The following ATP8A2 variants were observed in gnomAD, a reference collection of about 807,000 sequenced individuals.
The protein encoded by ATP8A2 is ATPase phospholipid transporting 8A2, also known as phospholipid-transporting ATPase IB.
In ATP8A2, 100 loss-of-function variants were observed where a neutral mutation model predicts 165.6. That is an observed-to-expected ratio of 0.60 (90% confidence interval 0.51 to 0.71). The LOEUF is 0.71. Among genes scored for constraint, ATP8A2 ranks in the 30% least tolerant of loss-of-function variants. The probability of loss-of-function intolerance (pLI) is 0.00; values close to 1 mark genes in which losing one functional copy is unlikely to be tolerated. For missense variants in ATP8A2, 1,227 were observed against 1,479.5 expected (o/e 0.83, Z 2.80); for synonymous variants, 543 against 548.8 (o/e 0.99, Z 0.15).
At chr13:25,393,133 C>CT (rs113512127) in intron 1 of ATP8A2, among the ~76,000 whole-genome samples, 2,862 of 138,600 alleles carry the variant, frequency 0.021, 103 homozygotes, top group African/African-American at 0.069. Flanking sequence ...TATTTACATA[C>CT]TTTTTTTTTT....
In ATP8A2 at chr13:25,919,984, C is replaced by T. The variant is rs114125787; in HGVS notation, c.3184-41591C>T. Among the ~76,000 whole-genome samples the T allele has an allele frequency of 5.5e-3, 833 of 152,210 alleles. 6 individuals are homozygous for T. The highest frequency in any genetic ancestry group is 0.018 in the African/African-American group (740 of 41,530). ...CAACTGTTTATACAAACAGGGGTCT[C>T]GCTATGTCGTCCAGGCTGGTCTCGA... On this transcript the variant is annotated intron_variant, in intron 33 of 36. Coordinates refer to ENST00000381655, the MANE Select transcript of ATP8A2 (RefSeq NM_016529.6).
intron 35 of ATP8A2, among the ~76,000 whole-genome samples, chr13:25,976,862 C>T (rs955517919): frequency 3.9e-5 from 6 of 152,272 alleles, no homozygotes; most frequent in African/African-American, 1.2e-4. Flanking sequence ...GACCTCAGCT[C>T]GCTGCAACCT....
At chr13:25,427,096 C>T (rs918617193) in intron 1 of ATP8A2, among the ~76,000 whole-genome samples, 2 of 152,150 alleles carry the variant, frequency 1.3e-5, no homozygotes, top group Non-Finnish European at 2.9e-5. Context: ...GGGGTTCCCC[C>T]AACATAGGAA....
intron 1 of ATP8A2, among the ~76,000 whole-genome samples, chr13:25,437,275 T>C (rs1264375082): frequency 6.6e-6 from 1 of 152,192 alleles, no homozygotes; most frequent in Non-Finnish European, 1.5e-5. Context: ...GAATACTTCA[T>C]CTTAGCACCA....
chr13:25,908,800 A>G (rs1228308213), intron 33 of ATP8A2, among the ~76,000 whole-genome samples: 3 of 152,254 alleles, frequency 2.0e-5, no homozygotes, highest in African/African-American at 4.8e-5. Context: ...TCCTGGTTCC[A>G]TGACTTCCAC....
At chr13:26,001,764 G>C (rs1163130009) in intron 35 of ATP8A2, among the ~76,000 whole-genome samples, 1 of 151,868 alleles carries the variant, frequency 6.6e-6, no homozygotes, top group African/African-American at 2.4e-5. Context: ...ATATATTCTG[G>C]ATACTAGACC....
intron 27 of ATP8A2, among the ~76,000 whole-genome samples, chr13:25,796,720 A>G (rs866972807): frequency 6.6e-6 from 1 of 152,238 alleles, no homozygotes; most frequent in African/African-American, 2.4e-5. Context: ...CAAAGATTTT[A>G]AAGGAGAGAT....
rs114158545 is a variant in ATP8A2, at chr13:25,402,850, T to G, written c.76+30562T>G. On this transcript the variant is annotated intron_variant, in intron 1 of 36. Transcript: ENST00000381655. Reference sequence around the variant, plus strand: ...TAAGTAATTCATAAGTAATAGAAATTTATTTCCCACAGTTCTGGAGGCTAG... The same window carrying G: ...TAAGTAATTCATAAGTAATAGAAATGTATTTCCCACAGTTCTGGAGGCTAG... 8.6e-3 allele frequency among the ~76,000 whole-genome samples: 1,315 copies of G among 152,248 alleles called. 25 individuals carry two copies. Among genetic ancestry groups the G allele is most frequent in the African/African-American group, 0.03 (1,256 of 41,536 alleles).
intron 12 of ATP8A2, among the ~76,000 whole-genome samples, chr13:25,554,511 ATG>A (rs145376745): frequency 3.8e-3 from 535 of 141,290 alleles, no homozygotes; most frequent in South Asian, 0.016. Context: ...AATATAAATC[ATG>A]TGTGTGTGTG....
At chr13:25,382,154 T>G (rs2032862169) in intron 1 of ATP8A2, among the ~76,000 whole-genome samples, 1 of 152,238 alleles carries the variant, frequency 6.6e-6, no homozygotes, top group Non-Finnish European at 1.5e-5. Flanking sequence ...AGTTTTGCTC[T>G]TTACACAATG....
chr13:25,676,650 A>G (rs1206434650), intron 24 of ATP8A2, among the ~76,000 whole-genome samples: 1 of 152,210 alleles, frequency 6.6e-6, no homozygotes, highest in East Asian at 1.9e-4. Context: ...CCAAGTGGAA[A>G]GGAAAAGACA....
At chr13:25,943,356 C>T (rs1955124251) in intron 33 of ATP8A2, among the ~76,000 whole-genome samples, 2 of 152,198 alleles carry the variant, frequency 1.3e-5, no homozygotes, top group African/African-American at 4.8e-5. Context: ...GCAGACCACA[C>T]ATATGACCAG....
At chr13:25,862,456 A>G in intron 33 of ATP8A2, 48 bp downstream of exon 33, 5 of 1,405,938 alleles carry the variant, frequency 3.6e-6, no homozygotes, top group Non-Finnish European at 4.0e-6. Context: ...TGTGACAGCA[A>G]TGTTTCTCCA....
At chr13:25,691,024 T>TA (rs1386214636) in intron 24 of ATP8A2, among the ~76,000 whole-genome samples, 2 of 152,166 alleles carry the variant, frequency 1.3e-5, no homozygotes, top group Non-Finnish European at 2.9e-5. Flanking sequence ...ACAGAAATAA[T>TA]AAAGTATTGA....
intron 33 of ATP8A2, among the ~76,000 whole-genome samples, chr13:25,864,690 T>C (rs1297843068): frequency 2.6e-5 from 4 of 152,234 alleles, no homozygotes; most frequent in Non-Finnish European, 5.9e-5. Flanking sequence ...TTGGTTCCCA[T>C]GAAGCAGATG....
At chr13:25,639,013 A>G (rs1272460428) in intron 24 of ATP8A2, among the ~76,000 whole-genome samples, 1 of 152,194 alleles carries the variant, frequency 6.6e-6, no homozygotes, top group African/African-American at 2.4e-5. Flanking sequence ...ACCAACCTTC[A>G]TAAGTGAAGG....
chr13:25,553,779 G>T lies in ATP8A2; in HGVS notation c.1058-14G>T, dbSNP rs2038894761. Reference sequence around the variant, plus strand: ...TTGTGAACACCTTTCAGATACTCTGGTTTCCTTCCACAGACACCACCTCAG... The same window carrying T: ...TTGTGAACACCTTTCAGATACTCTGTTTTCCTTCCACAGACACCACCTCAG... On this transcript the variant is annotated splice_polypyrimidine_tract_variant and intron_variant, in intron 11 of 36. Coordinates refer to ENST00000381655, the MANE Select transcript of ATP8A2 (RefSeq NM_016529.6). The T allele has an allele frequency of 6.2e-7, 1 of 1,608,764 alleles. No homozygotes were observed. The highest frequency in any genetic ancestry group is 1.3e-5 in the African/African-American group (1 of 74,636).
At chr13:25,384,606 T>G (rs1593235537) in intron 1 of ATP8A2, among the ~76,000 whole-genome samples, 1 of 152,350 alleles carries the variant, frequency 6.6e-6, no homozygotes. Context: ...TTCCAGTTCA[T>G]AGTATCTATC....
At chr13:25,739,642 A>G (rs955141167) in intron 25 of ATP8A2, among the ~76,000 whole-genome samples, 1 of 152,170 alleles carries the variant, frequency 6.6e-6, no homozygotes, top group Admixed American at 6.5e-5. Flanking sequence ...CAAGGTAACC[A>G]CTTGTAGCTT....
Sources: allele counts gnomAD v4.1 joint callset (sites outside exome capture counted in the v4.1 genomes callset), GRCh38; gene constraint gnomAD v4.1.1; transcripts MANE v1.5; gene names NCBI Gene and HGNC (gene_info 2026-07-23, HGNC 2026-07-21).